The following MFHAS1 variants were observed in gnomAD, a reference collection of about 807,000 sequenced individuals.
MFHAS1 encodes malignant fibrous histiocytoma-amplified sequence 1.
Under a neutral mutation model 70.4 loss-of-function variants are expected in MFHAS1, and 50 were observed. The observed-to-expected ratio is 0.71, with a 90% CI of 0.57 to 0.90. The LOEUF (loss-of-function observed/expected upper bound fraction) is 0.90, where lower values mean the gene tolerates loss of function less well. Ranked by LOEUF, MFHAS1 falls within the 40% of genes least tolerant of loss-of-function variation. MFHAS1 has a pLI of 0.00. For missense variants in MFHAS1, 1,795 were observed against 1,347.6 expected (o/e 1.33, Z -5.20); for synonymous variants, 952 against 620.0 (o/e 1.54, Z -7.96).
At chr8:8,816,225 G>A (rs1045859926) in intron 1 of MFHAS1, among the ~76,000 whole-genome samples, 2 of 152,114 alleles carry the variant, frequency 1.3e-5, no homozygotes, top group African/African-American at 4.8e-5. Context: ...GGGGTCTGGG[G>A]TGACGATTTT....
intron 1 of MFHAS1, among the ~76,000 whole-genome samples, chr8:8,824,036 C>T (rs980007686): frequency 6.7e-6 from 1 of 150,372 alleles, no homozygotes; most frequent in Non-Finnish European, 1.5e-5. Flanking sequence ...TCATTCCCTA[C>T]TTAGCAAAAA....
At position 8,785,443 on chromosome 8, in the gene MFHAS1, T is replaced by A. The variant is rs1243880401; in HGVS notation, c.*579A>T. 6.6e-6 allele frequency: 1 copy of A among 152,592 alleles called. No homozygotes were observed. The highest frequency in any genetic ancestry group is 1.5e-5 in the Non-Finnish European group (1 of 68,062). 9.5% of individuals were successfully genotyped at this position (152,592 alleles called of 1,614,324 possible). ...ATAAAGAAAAAACAAAAAAGTCTTA[T>A]ACTAAAATAAGAAATCAGCCCCATC... On this transcript the variant is annotated 3_prime_UTR_variant, in exon 3 of 3. Coordinates refer to ENST00000276282, the MANE Select transcript of MFHAS1 (RefSeq NM_004225.3).
At chr8:8,874,586 G>T (rs552616664) in intron 1 of MFHAS1, among the ~76,000 whole-genome samples, 1 of 152,062 alleles carries the variant, frequency 6.6e-6, no homozygotes, top group Non-Finnish European at 1.5e-5. Flanking sequence ...TATGAAAAAG[G>T]GGGCTTTGCT....
chr8:8,819,995 G>C (rs1563188543), intron 1 of MFHAS1, among the ~76,000 whole-genome samples: 2 of 152,126 alleles, frequency 1.3e-5, no homozygotes, highest in African/African-American at 2.4e-5. Context: ...ACCACACCCA[G>C]TCTATACAGA....
At chr8:8,790,935 C>T (rs1805699081) in intron 2 of MFHAS1, among the ~76,000 whole-genome samples, 1 of 152,182 alleles carries the variant, frequency 6.6e-6, no homozygotes, top group Admixed American at 6.5e-5. Flanking sequence ...TACTTACAAA[C>T]AGCTAGCAAG....
At chr8:8,866,601 A>G (rs3789844) in intron 1 of MFHAS1, among the ~76,000 whole-genome samples, 11,482 of 152,272 alleles carry the variant, frequency 0.075, 639 homozygotes, top group East Asian at 0.22. Context: ...TACAGGCATG[A>G]GCCACTGCAG....
intron 1 of MFHAS1, among the ~76,000 whole-genome samples, chr8:8,804,965 G>A (rs761319561): frequency 6.4e-4 from 98 of 152,126 alleles, no homozygotes; most frequent in Non-Finnish European, 1.3e-3. Flanking sequence ...ATTATTTTTT[G>A]GTTTGAAAGA....
rs762895293 is a variant in MFHAS1, at chr8:8,890,767, C to A, written c.2292G>T (p.Gly764=). Residue 764 remains glycine, a synonymous_variant, in exon 1 of 3, where the codon GGG becomes GGT. Coordinates refer to ENST00000276282, the MANE Select transcript of MFHAS1 (RefSeq NM_004225.3). ...ACCGCGCCATGGGCGGGGAGCTTTCCCCCTCCGCCTTGCCCTCTCCACTGG... is the reference window on the plus strand; with the variant it reads ...ACCGCGCCATGGGCGGGGAGCTTTCACCCTCCGCCTTGCCCTCTCCACTGG... ...LGTSGEGKAE[G]ESSPPMARST... 6.2e-7 allele frequency: 1 copy of A among 1,613,896 alleles called. No homozygotes were observed. The highest frequency in any genetic ancestry group is 8.5e-7 in the Non-Finnish European group (1 of 1,179,882).
chr8:8,832,627 C>CTTTTTTTTTTTTT (rs137896964), intron 1 of MFHAS1, among the ~76,000 whole-genome samples: 1 of 121,910 alleles, frequency 8.2e-6, no homozygotes, highest in African/African-American at 3.0e-5. Context: ...GAATTTTTTT[C>CTTTTTTTTTTTTT]TTTTTTTTTT....
intron 2 of MFHAS1, among the ~76,000 whole-genome samples, chr8:8,795,369 G>A (rs1403170468): frequency 6.6e-6 from 1 of 152,174 alleles, no homozygotes; most frequent in Admixed American, 6.5e-5. Flanking sequence ...GGATATTCAG[G>A]TTAATATTCG....
intron 1 of MFHAS1, among the ~76,000 whole-genome samples, chr8:8,870,961 C>G (rs540234806): frequency 6.6e-6 from 1 of 152,308 alleles, no homozygotes; most frequent in East Asian, 1.9e-4. Flanking sequence ...CACTCTGTTG[C>G]CCAGGCTGGA....
intron 1 of MFHAS1, among the ~76,000 whole-genome samples, chr8:8,846,189 G>A (rs1808024192): frequency 6.7e-6 from 1 of 148,178 alleles, no homozygotes. Context: ...GGAGGTGGAG[G>A]CTGCAGTGAG....
Position 8,892,685 on chromosome 8 carries a change from G to A in MFHAS1, c.374C>T (p.Ala125Val), listed in dbSNP as rs755033985. ...ELDVSHNRLTALGAEVVSALR... is the reference protein window; with the variant it reads ...ELDVSHNRLTVLGAEVVSALR... Reference sequence around the variant, plus strand: ...AGCACTCACCACCTCCGCGCCCAGGGCGGTCAGCCGGTTGTGGCTCACGTC... The same window carrying A: ...AGCACTCACCACCTCCGCGCCCAGGACGGTCAGCCGGTTGTGGCTCACGTC... The change falls in exon 1 of 3, where the codon GCC becomes GTC. Residue 125 changes from alanine (A) to valine (V), a missense_variant. Transcript: ENST00000276282. This position sits in a 1 kb window ranked among gnomAD's most constrained non-coding sequence, Gnocchi z 4.7. The A allele has an allele frequency of 8.9e-6, 14 of 1,581,504 alleles. No individual in the cohort carries two copies. Among genetic ancestry groups the A allele is most frequent in the Non-Finnish European group, 1.1e-5 (13 of 1,163,902 alleles).
chr8:8,839,126 T>C (rs56218435), intron 1 of MFHAS1, among the ~76,000 whole-genome samples: 1 of 152,062 alleles, frequency 6.6e-6, no homozygotes, highest in African/African-American at 2.4e-5. Flanking sequence ...CTATTCTGGA[T>C]ATTACTTAGT....
chr8:8,852,528 G>C (rs1428462809), intron 1 of MFHAS1, among the ~76,000 whole-genome samples: 3 of 151,988 alleles, frequency 2.0e-5, no homozygotes, highest in South Asian at 2.1e-4. Context: ...AGAGGGTTTA[G>C]ACCTGGTGCC....
chr8:8,859,133 A>G (rs572842758), intron 1 of MFHAS1, among the ~76,000 whole-genome samples: 2 of 152,318 alleles, frequency 1.3e-5, no homozygotes, highest in African/African-American at 4.8e-5. Flanking sequence ...TGCAAGGATC[A>G]CTTGAGGTCA....
At chr8:8,831,322 A>G (rs1324355643) in intron 1 of MFHAS1, among the ~76,000 whole-genome samples, 3 of 152,142 alleles carry the variant, frequency 2.0e-5, no homozygotes, top group African/African-American at 7.2e-5. Context: ...GCCAACTTTG[A>G]AAAATGATAC....
chr8:8,856,115 G>A (rs1472895777), intron 1 of MFHAS1, among the ~76,000 whole-genome samples: 1 of 152,164 alleles, frequency 6.6e-6, no homozygotes, highest in Non-Finnish European at 1.5e-5. Flanking sequence ...TGAGATGAGG[G>A]ATTCCCCATG....
intron 1 of MFHAS1, among the ~76,000 whole-genome samples, chr8:8,878,794 T>C (rs773915088): frequency 2.0e-5 from 3 of 152,172 alleles, no homozygotes; most frequent in African/African-American, 7.2e-5. Context: ...GTTAATAGCA[T>C]AGACTTCATT....
Sources: gnomAD v4.1 joint callset for allele counts (sites outside exome capture counted in the v4.1 genomes callset) on GRCh38, gnomAD v4.1.1 for gene constraint, Gnocchi (gnomAD v3.1) non-coding constraint, MANE v1.5 for transcripts, NCBI Gene and HGNC (gene_info 2026-07-23, HGNC 2026-07-21) for gene names.